The following DPYD variants were observed in gnomAD, a reference collection of about 807,000 sequenced individuals.
DPYD encodes the protein dihydropyrimidine dehydrogenase, also known as dihydropyrimidine dehydrogenase [NADP(+)].
DPYD carries 109 observed loss-of-function variants against 116.2 expected under a neutral mutation model. The ratio of observed to expected loss-of-function variants is 0.94; its 90% CI spans 0.80 to 1.10. The LOEUF is 1.10. Among genes scored for constraint, DPYD ranks in the 50% least tolerant of loss-of-function variants. DPYD has a pLI of 0.00. For synonymous variants in DPYD, 440 were observed against 432.0 expected (o/e 1.02, Z -0.23); for missense variants, 1,302 against 1,254.5 (o/e 1.04, Z -0.57).
At chr1:97,477,239 C>T (rs1678015959) in intron 13 of DPYD, among the ~76,000 whole-genome samples, 1 of 152,222 alleles carries the variant, frequency 6.6e-6, no homozygotes, top group Non-Finnish European at 1.5e-5. Context: ...ATGTTCACAG[C>T]ATCTTCACTA....
intron 8 of DPYD, among the ~76,000 whole-genome samples, chr1:97,654,310 A>C (rs1344031930): frequency 1.3e-5 from 2 of 152,184 alleles, no homozygotes; most frequent in Non-Finnish European, 2.9e-5. Flanking sequence ...TATCTGATGA[A>C]AGAAAGCTTA....
At chr1:97,856,063 T>C (rs1406533482) in intron 2 of DPYD, 1 of 152,168 alleles carries the variant, frequency 6.6e-6, no homozygotes, top group Non-Finnish European at 1.5e-5. Flanking sequence ...ATCTTACTAA[T>C]GGAGCTGAGT....
intron 12 of DPYD, among the ~76,000 whole-genome samples, chr1:97,532,791 C>T (rs1249154238): frequency 6.6e-6 from 1 of 151,014 alleles, no homozygotes; most frequent in Admixed American, 6.6e-5. Flanking sequence ...TCAATTTTAT[C>T]TTTTGAAAAA....
In DPYD at chr1:97,361,497, A is replaced by G. The variant is rs145958753; in HGVS notation, c.2058+12064T>C. 1.5e-3 allele frequency among the ~76,000 whole-genome samples: 226 copies of G among 152,310 alleles called. 1 individual carries two copies. Among genetic ancestry groups the G allele is most frequent in the African/African-American group, 5.0e-3 (208 of 41,562 alleles). On this transcript the variant is annotated intron_variant, in intron 16 of 22. Transcript: ENST00000370192. ...GATACCAAAGCCTGGCAGAGACACA[A>G]CAAAAAAAGAGAATTTTAGACCAAA... is the stretch of plus-strand genomic sequence containing the variant.
intron 20 of DPYD, among the ~76,000 whole-genome samples, chr1:97,173,249 C>CATATATGCACAT (rs1553227817): frequency 8.6e-6 from 1 of 116,740 alleles, no homozygotes; most frequent in East Asian, 3.4e-4. Context: ...CATATATGTA[C>CATATATGCACAT]ATATATGCAC....
chr1:97,899,179 G>A (rs1474202624), intron 1 of DPYD, among the ~76,000 whole-genome samples: 1 of 151,658 alleles, frequency 6.6e-6, no homozygotes. Flanking sequence ...GATTAATGAT[G>A]AGTATCTGCT....
chr1:97,154,204 A>AT (rs1227906223), intron 20 of DPYD, among the ~76,000 whole-genome samples: 2 of 152,210 alleles, frequency 1.3e-5, no homozygotes, highest in Non-Finnish European at 2.9e-5. Context: ...AACCATGTTT[A>AT]TAGCAGCAGA....
intron 5 of DPYD, chr1:97,719,858 C>T: frequency 1.0e-6 from 1 of 984,946 alleles, no homozygotes; most frequent in Non-Finnish European, 1.2e-6. Flanking sequence ...CATTCCTATT[C>T]TAAATTCCTT....
chr1:97,294,706 A>C (rs1037157304), intron 18 of DPYD, among the ~76,000 whole-genome samples: 1 of 152,180 alleles, frequency 6.6e-6, no homozygotes, highest in Non-Finnish European at 1.5e-5. Flanking sequence ...GTAAGAAATA[A>C]AGTTTTTTAT....
Position 97,737,894 on chromosome 1 carries a change from T to C in DPYD, c.321+2498A>G, listed in dbSNP as rs188799907. 1.5e-3 allele frequency among the ~76,000 whole-genome samples: 231 copies of C among 152,294 alleles called. 1 individual carries two copies. The highest frequency in any genetic ancestry group is 1.1e-3 in the Non-Finnish European group (75 of 68,030). ...GTTGTTTCTTTAACTTCCAGTTACT[T>C]TTAATAAGGATCTATCACAAAGAAA... On this transcript the variant is annotated intron_variant, in intron 4 of 22. Coordinates refer to ENST00000370192, the MANE Select transcript of DPYD (RefSeq NM_000110.4).
intron 6 of DPYD, among the ~76,000 whole-genome samples, chr1:97,695,852 G>A (rs979902106): frequency 3.3e-5 from 5 of 152,068 alleles, no homozygotes; most frequent in Non-Finnish European, 7.4e-5. Context: ...AGAGGTGGCC[G>A]GGCGCAGTGG....
At chr1:97,416,093 C>T (rs964580715) in intron 14 of DPYD, among the ~76,000 whole-genome samples, 2 of 152,072 alleles carry the variant, frequency 1.3e-5, no homozygotes, top group Non-Finnish European at 2.9e-5. Context: ...TGCTTAAGAA[C>T]CATTGATGTT....
intron 18 of DPYD, among the ~76,000 whole-genome samples, chr1:97,270,100 C>G (rs2100888067): frequency 6.6e-6 from 1 of 152,204 alleles, no homozygotes; most frequent in Middle Eastern, 3.4e-3. Flanking sequence ...TTCCTTCATG[C>G]CATTCCAGCA....
At chr1:97,383,202 C>T (rs4949947) in intron 14 of DPYD, among the ~76,000 whole-genome samples, 26,250 of 151,990 alleles carry the variant, frequency 0.17, 2,909 homozygotes, top group Non-Finnish European at 0.25. Context: ...ATTGGCCAGG[C>T]GTGGTGGCTC....
chr1:97,616,494 C>T (rs1215227931), intron 8 of DPYD, among the ~76,000 whole-genome samples: 1 of 152,058 alleles, frequency 6.6e-6, no homozygotes, highest in Non-Finnish European at 1.5e-5. Context: ...AGAGACCACA[C>T]GGAGATGCTG....
chr1:97,818,034 T>C (rs1450540661), intron 3 of DPYD, among the ~76,000 whole-genome samples: 1 of 152,042 alleles, frequency 6.6e-6, no homozygotes, highest in Non-Finnish European at 1.5e-5. Flanking sequence ...TAGTCCTTAA[T>C]ATACAATCTT....
intron 12 of DPYD, among the ~76,000 whole-genome samples, chr1:97,540,893 T>C (rs1285120796): frequency 6.6e-6 from 1 of 152,040 alleles, no homozygotes; most frequent in Non-Finnish European, 1.5e-5. Flanking sequence ...ATTTTAGGAG[T>C]TGTATGCCAG....
chr1:97,405,324 G>A (rs1162002071), intron 14 of DPYD, among the ~76,000 whole-genome samples: 3 of 151,838 alleles, frequency 2.0e-5, no homozygotes, highest in African/African-American at 7.3e-5. Flanking sequence ...GGCCTATATA[G>A]TTTTCCTTCT....
intron 10 of DPYD, chr1:97,585,757 T>C (rs1354022125): frequency 6.6e-6 from 1 of 152,156 alleles, no homozygotes; most frequent in Admixed American, 6.5e-5. Flanking sequence ...AAAGCGGAGG[T>C]GAATATTTTT....
Sources: gnomAD v4.1 joint callset for allele counts (sites outside exome capture counted in the v4.1 genomes callset) on GRCh38, gnomAD v4.1.1 for gene constraint, MANE v1.5 for transcripts, NCBI Gene and HGNC (gene_info 2026-07-23, HGNC 2026-07-21) for gene names.